The following FRY variants were observed in gnomAD, a reference collection of about 807,000 sequenced individuals.
FRY encodes the protein FRY microtubule binding protein, also known as protein furry homolog.
Under a neutral mutation model 348.4 loss-of-function variants are expected in FRY, and 128 were observed. The observed-to-expected ratio is 0.37, with a 90% CI of 0.32 to 0.43. The LOEUF (loss-of-function observed/expected upper bound fraction) is 0.43, where lower values mean the gene tolerates loss of function less well. FRY is among the 20% of genes least tolerant of loss of function. The pLI is 1.00. For missense variants in FRY, 2,736 were observed against 3,695.2 expected, an observed-to-expected ratio of 0.74 and a Z score of 6.73; for synonymous variants, 1,370 against 1,374.7, an observed-to-expected ratio of 1.00 and a Z score of 0.08.
At chr13:32,278,843 TA>T (rs1445303873) in intron 58 of FRY, among the ~76,000 whole-genome samples, 1 of 152,236 alleles carries the variant, frequency 6.6e-6, no homozygotes, top group Non-Finnish European at 1.5e-5. Flanking sequence ...ATTCAGATTA[TA>T]AGGCCAAATT....
intron 59 of FRY, among the ~76,000 whole-genome samples, chr13:32,293,958 A>G (rs1215525794): frequency 1.3e-5 from 2 of 152,238 alleles, no homozygotes; most frequent in African/African-American, 4.8e-5. Flanking sequence ...TCAGTCTCAC[A>G]GATGAGAAAA....
At chr13:32,228,268 T>C (rs547718580) in intron 39 of FRY, among the ~76,000 whole-genome samples, 188 bp from the exon 40 acceptor site, 5 of 152,282 alleles carry the variant, frequency 3.3e-5, no homozygotes, top group African/African-American at 4.8e-5. Flanking sequence ...TACACAGCAG[T>C]GCAACTGATT....
At chr13:32,035,809 G>A (rs1435221422) in intron 1 of FRY, among the ~76,000 whole-genome samples, 1 of 152,196 alleles carries the variant, frequency 6.6e-6, no homozygotes, top group African/African-American at 2.4e-5. Context: ...CTGCTCTGGG[G>A]AACTGAACAA....
chr13:32,066,885 G>C (rs1395940949), intron 1 of FRY, among the ~76,000 whole-genome samples: 1 of 152,194 alleles, frequency 6.6e-6, no homozygotes, highest in Non-Finnish European at 1.5e-5. Flanking sequence ...AGTTTATTAA[G>C]TTTTTCATAT....
At position 32,295,711 on chromosome 13, in the gene FRY, C is replaced by G. The variant is rs1049955428; in HGVS notation, c.*251C>G. 10 of 566,370 alleles carry G rather than the reference C, an allele frequency of 1.8e-5. No homozygotes were observed. The highest frequency in any genetic ancestry group is 2.8e-5 in the Non-Finnish European group (9 of 316,174). 35.1% of individuals were successfully genotyped at this position (566,370 alleles called of 1,614,324 possible). A position where few individuals can be genotyped will look rare whatever the true frequency, so the allele number is the denominator to read the frequency against. ...GTGGCACAAATGTGTTACATTTGACCGAGCATATGCAACTCGCTACTGAAG... is the reference window on the plus strand; with the variant it reads ...GTGGCACAAATGTGTTACATTTGACGGAGCATATGCAACTCGCTACTGAAG... On this transcript the variant is annotated 3_prime_UTR_variant, in exon 61 of 61. Coordinates refer to ENST00000542859, the MANE Select transcript of FRY (RefSeq NM_023037.3).
chr13:32,188,131 A>AGGACT (rs2138273772), intron 28 of FRY, among the ~76,000 whole-genome samples: 1 of 152,284 alleles, frequency 6.6e-6, no homozygotes, highest in Non-Finnish European at 1.5e-5. Context: ...CATATACAAG[A>AGGACT]GGACTTCAAA....
intron 29 of FRY, among the ~76,000 whole-genome samples, chr13:32,197,289 C>T (rs1231944078): frequency 6.6e-6 from 1 of 152,002 alleles, no homozygotes; most frequent in African/African-American, 2.4e-5. Context: ...TTAAGTCAGG[C>T]CTAGCAAACT....
intron 55 of FRY, among the ~76,000 whole-genome samples, chr13:32,269,528 T>C (rs1360481732): frequency 6.6e-6 from 1 of 152,046 alleles, no homozygotes; most frequent in African/African-American, 2.4e-5. Context: ...CCATCTCTAC[T>C]AAGAATACAA....
At chr13:32,092,111 C>G (rs150059066) in intron 2 of FRY, among the ~76,000 whole-genome samples, 2 of 152,324 alleles carry the variant, frequency 1.3e-5, no homozygotes, top group Non-Finnish European at 2.9e-5. Flanking sequence ...TGTAACAAAA[C>G]TGCACTTCTA....
At chr13:32,268,497 A>ATAT (rs1351340927) in intron 55 of FRY, among the ~76,000 whole-genome samples, 4 of 15,436 alleles carry the variant, frequency 2.6e-4, no homozygotes, top group African/African-American at 6.0e-4. Context: ...AAAAAAAAAA[A>ATAT]AAAAAAAAAT....
At chr13:32,235,679 C>T (rs1428083426) in intron 42 of FRY, among the ~76,000 whole-genome samples, 2 of 152,186 alleles carry the variant, frequency 1.3e-5, no homozygotes, top group African/African-American at 4.8e-5. Flanking sequence ...CAGACACTAC[C>T]TGCTTCCTTC....
chr13:32,197,740 T>C (rs895624607), intron 29 of FRY, among the ~76,000 whole-genome samples: 4 of 152,244 alleles, frequency 2.6e-5, no homozygotes, highest in Non-Finnish European at 5.9e-5. Context: ...CAGTAAAATC[T>C]TTCTCTTCAG....
At chr13:32,130,865 G>A (rs996226746) in intron 7 of FRY, among the ~76,000 whole-genome samples, 1 of 151,072 alleles carries the variant, frequency 6.6e-6, no homozygotes, top group African/African-American at 2.4e-5. Context: ...GCCCAGGCTG[G>A]AGTGCAATGG....
intron 57 of FRY, 143 bp downstream of exon 57, chr13:32,276,705 A>T: frequency 1.4e-6 from 1 of 696,312 alleles, no homozygotes; most frequent in Non-Finnish European, 2.6e-6. Context: ...TTCCAATTTA[A>T]TGGTGGTAGA....
At position 32,244,032 on chromosome 13, in the gene FRY, GC is replaced by G. The variant is rs754190255; in HGVS notation, c.6688-5del. The G allele has an allele frequency of 1.9e-5, 31 of 1,613,446 alleles. No homozygotes were observed. Among genetic ancestry groups the G allele is most frequent in the African/African-American group, 2.7e-5 (2 of 74,910 alleles). On this transcript the variant is annotated splice_polypyrimidine_tract_variant and intron_variant, in intron 46 of 60. Transcript: ENST00000542859. ...GTGTGACTGACTCCAGCCGCACTTT[GC>G]CCCCACAGCTGCTGGAGAAGGGCCT...
chr13:32,283,532 GC>G (rs1888914633), intron 58 of FRY, among the ~76,000 whole-genome samples: 1 of 152,236 alleles, frequency 6.6e-6, no homozygotes, highest in East Asian at 1.9e-4. Flanking sequence ...CTCTGCATAT[GC>G]AAGCACCTGT....
chr13:32,074,305 A>G (rs975182787), intron 1 of FRY, among the ~76,000 whole-genome samples: 2 of 152,226 alleles, frequency 1.3e-5, no homozygotes, highest in Non-Finnish European at 2.9e-5. Flanking sequence ...CATTTAAGAC[A>G]AAAGAAGGCA....
chr13:32,118,301 T>TA (rs1462741591), intron 4 of FRY, among the ~76,000 whole-genome samples: 1 of 152,310 alleles, frequency 6.6e-6, no homozygotes, highest in South Asian at 2.1e-4. Context: ...TTATTCCAAT[T>TA]AAAAAAATAC....
At position 32,135,166 on chromosome 13, in the gene FRY, C is replaced by A; in HGVS notation, c.1060C>A (p.Arg354=). The change falls in exon 10 of 61, where the codon CGA becomes AGA. Residue 354 remains arginine, a synonymous_variant. Transcript: ENST00000542859. ...TGACACCACGCTGGAACTTTCTTCT[C>A]GAAAGAAGCATTCCTTGGTTAGTAA... The part of the protein sequence containing the change: ...LYDTTLELSS[R]KKHSLALYPL... 3.1e-6 allele frequency: 5 copies of A among 1,603,902 alleles called. No individual in the cohort carries two copies. The highest frequency in any genetic ancestry group is 3.4e-6 in the Non-Finnish European group (4 of 1,170,732).
Sources: gnomAD v4.1 joint callset for allele counts (sites outside exome capture counted in the v4.1 genomes callset) on GRCh38, gnomAD v4.1.1 for gene constraint, MANE v1.5 for transcripts, NCBI Gene and HGNC (gene_info 2026-07-23, HGNC 2026-07-21) for gene names.